The following OTOG variants were observed in gnomAD, a reference collection of about 807,000 sequenced individuals.
OTOG encodes otogelin.
Under a neutral mutation model 313.8 loss-of-function variants are expected in OTOG, and 296 were observed. That is an observed-to-expected ratio of 0.94 (90% CI 0.86 to 1.04). OTOG has a LOEUF of 1.04. Among genes scored for constraint, OTOG ranks in the 50% least tolerant of loss-of-function variants. The pLI, the probability that OTOG is intolerant of heterozygous loss-of-function variation, is 0.00. For synonymous variants in OTOG, 1,533 were observed against 1,554.9 expected (o/e 0.99, Z 0.33); for missense variants, 3,948 against 3,840.1 (o/e 1.03, Z -0.74).
chr11:17,612,771 T>C lies in OTOG; in HGVS notation c.6438+6T>C. ...ACTGCAAAAGTGCCAACCTGGTGCC[T>C]GCCCCATACCTCCCTCCCTGCTGGG... On this transcript the variant is annotated splice_donor_region_variant and intron_variant, in intron 38 of 55. Transcript: ENST00000399397. The C allele has an allele frequency of 6.5e-7, 1 of 1,549,920 alleles. No individual in the cohort carries two copies. Among genetic ancestry groups the C allele is most frequent in the South Asian group, 1.2e-5 (1 of 83,964 alleles).
rs1161473404 is a variant in OTOG at position 17,628,386 on chromosome 11, C to G, written c.6529-747C>G. On this transcript the variant is annotated intron_variant, in intron 39 of 55. Coordinates refer to ENST00000399397, the MANE Select transcript of OTOG (RefSeq NM_001292063.2). ...GGAGGAGGTTAATTCATTATAAATA[C>G]TTTAAAATCTTAATCTTTTTATATT... Among the ~76,000 whole-genome samples, 35 of 152,088 alleles carry G rather than the reference C, an allele frequency of 2.3e-4. 1 individual carries two copies. The highest frequency in any genetic ancestry group is 2.3e-3 in the Admixed American group (35 of 15,266).
chr11:17,606,236 C>A, intron 33 of OTOG, 101 bp downstream of exon 33: 1 of 1,355,090 alleles, frequency 7.4e-7, no homozygotes, highest in Non-Finnish European at 9.8e-7. Flanking sequence ...CCCTAAGAAG[C>A]AGAATCCTCC....
intron 23 of OTOG, among the ~76,000 whole-genome samples, chr11:17,585,194 C>G (rs10832812): frequency 0.23 from 35,674 of 152,120 alleles, 4,924 homozygotes; most frequent in African/African-American, 0.39. Flanking sequence ...AGATATTGGG[C>G]TAATTCAGTT....
chr11:17,551,297 G>A (rs1283488428), intron 3 of OTOG, among the ~76,000 whole-genome samples: 1 of 152,084 alleles, frequency 6.6e-6, no homozygotes, highest in Non-Finnish European at 1.5e-5. Context: ...GTCCTGTGGT[G>A]ACTGAACACC....
intron 4 of OTOG, among the ~76,000 whole-genome samples, chr11:17,552,621 A>ACTGTGTCCCCCACC (rs1851968645): frequency 5.8e-5 from 2 of 34,590 alleles, no homozygotes; most frequent in African/African-American, 6.8e-4. Flanking sequence ...GTCCTCTCAC[A>ACTGTGTCCCCCACC]TCATGGCTCC....
chr11:17,595,152 GCTGTTCCCA>G (rs1171412042), intron 28 of OTOG, among the ~76,000 whole-genome samples: 1 of 152,154 alleles, frequency 6.6e-6, no homozygotes, highest in Non-Finnish European at 1.5e-5. Context: ...GTGGGGCAGG[GCTGTTCCCA>G]CAGCCTCTGA....
rs754096731 is a variant in OTOG, at chr11:17,634,099, C to T, written c.7298C>T (p.Ala2433Val). Residue 2433 changes from alanine (A) to valine (V), a missense_variant, in exon 44 of 56, where the codon GCC (alanine) becomes GTC (valine). Coordinates refer to ENST00000399397, the MANE Select transcript of OTOG (RefSeq NM_001292063.2). ...ACTGACAGCATGGGGGTGCCGAGGGCCCTGGGGGAGACCTGGAACAGCTCC... is the reference window on the plus strand; with the variant it reads ...ACTGACAGCATGGGGGTGCCGAGGGTCCTGGGGGAGACCTGGAACAGCTCC... ...ACTDSMGVPRALGETWNSSLS... is the reference protein window; with the variant it reads ...ACTDSMGVPRVLGETWNSSLS... The T allele has an allele frequency of 3.2e-6, 5 of 1,547,650 alleles. No homozygotes were observed. In the South Asian group the frequency reaches 4.8e-5, roughly 15 times the overall value.
intron 32 of OTOG, among the ~76,000 whole-genome samples, chr11:17,605,590 G>A (rs7933465): frequency 0.011 from 1,751 of 152,272 alleles, 38 homozygotes; most frequent in African/African-American, 0.04. Context: ...GTGCAAAGGG[G>A]AGGGAAGGAG....
intron 12 of OTOG, among the ~76,000 whole-genome samples, chr11:17,559,938 G>T (rs1427171011): frequency 6.6e-6 from 1 of 152,098 alleles, no homozygotes; most frequent in East Asian, 1.9e-4. Flanking sequence ...GGGAAGGAAG[G>T]AAGGAAGGAG....
chr11:17,606,203 C>T, intron 33 of OTOG, 68 bp downstream of exon 33: 1 of 1,440,238 alleles, frequency 6.9e-7, no homozygotes, highest in South Asian at 1.5e-5. Context: ...CCCACCCTGT[C>T]CCCACTTCAC....
intron 18 of OTOG, 101 bp from the exon 19 acceptor site, chr11:17,572,977 A>G (rs1852436710): frequency 4.5e-6 from 5 of 1,118,990 alleles, no homozygotes; most frequent in East Asian, 2.6e-5. Flanking sequence ...GCGTGTGCAC[A>G]CACACACACC....
chr11:17,553,222 G>C lies in OTOG; in HGVS notation c.385+11G>C. On this transcript the variant is annotated intron_variant, in intron 5 of 55. Coordinates refer to ENST00000399397, the MANE Select transcript of OTOG (RefSeq NM_001292063.2). ...CGCGCTGCCAGATGGGTGGGTCTGG[G>C]CTCCACCCCACCCCCAGGAAGGGAC... 6.5e-7 allele frequency: 1 copy of C among 1,550,062 alleles called. No individual in the cohort carries two copies. The highest frequency in any genetic ancestry group is 8.7e-7 in the Non-Finnish European group (1 of 1,146,786).
At chr11:17,606,182 C>T (rs1468428631) in intron 33 of OTOG, 47 bp downstream of exon 33, 13 of 1,485,716 alleles carry the variant, frequency 8.7e-6, no homozygotes, top group Non-Finnish European at 1.2e-5. Flanking sequence ...CCCTCTCAGT[C>T]CACTGCTCTT....
chr11:17,593,150 C>T lies in OTOG; in HGVS notation c.3007-43C>T, dbSNP rs1444113235. The T allele has an allele frequency of 4.6e-6, 7 of 1,527,576 alleles. No individual in the cohort carries two copies. The South Asian group carries it at 8.6e-5, about 19-fold the overall frequency. The allele number at this position is 1,527,576 out of a possible 1,614,324, so 94.6% of individuals were successfully genotyped here. On this transcript the variant is annotated intron_variant, in intron 25 of 55. Transcript: ENST00000399397. ...ACCTCTGTACCTCTTGGCAGGATCT[C>T]CTTTCTCCCTTGTTTTATTGGACTC...
rs576936071 is a variant in OTOG, at chr11:17,630,858, T to C, written c.6713-844T>C. The stretch of plus-strand genomic sequence containing the variant: ...TATGTGGGAGATGAAACCAGAAGTT[T>C]AGGTCACATTAAAAGCTAGGACAGA... On this transcript the variant is annotated intron_variant, in intron 40 of 55. Coordinates refer to ENST00000399397, the MANE Select transcript of OTOG (RefSeq NM_001292063.2). 5.9e-5 allele frequency among the ~76,000 whole-genome samples: 9 copies of C among 152,306 alleles called. No individual in the cohort carries two copies. In the South Asian group the frequency reaches 1.9e-3, roughly 32 times the overall value.
rs545742713 is a variant in OTOG at position 17,579,265 on chromosome 11, G to A, written c.2759+739G>A. Among the ~76,000 whole-genome samples, 15 of 152,316 alleles carry A rather than the reference G, an allele frequency of 9.8e-5. No homozygotes were observed. The East Asian group carries it at 2.7e-3, about 27-fold the overall frequency. ...TCGTGGCCCAGGCGTGAAAGCCTAG[G>A]GAAATGACATGGGGGTCAGGGCTTC... On this transcript the variant is annotated intron_variant, in intron 23 of 55. Transcript: ENST00000399397.
In OTOG at chr11:17,612,733, G is replaced by T; in HGVS notation, c.6406G>T (p.Val2136Phe). The stretch of plus-strand genomic sequence containing the variant: ...CCAGAGCCCAGATGAAATGCTCACC[G>T]TCCATGTACTGGACTGCAAAAGTGC... ...LSQSPDEMLT[V>F]HVLDCKSANL... The change falls in exon 38 of 56, where the codon GTC becomes TTC. Residue 2136 changes from valine to phenylalanine, a missense_variant. Transcript: ENST00000399397. The T allele has an allele frequency of 6.4e-7, 1 of 1,550,440 alleles. No homozygotes were observed. The highest frequency in any genetic ancestry group is 1.2e-5 in the South Asian group (1 of 84,062).
At chr11:17,593,488 A>G in intron 26 of OTOG, 122 bp from the exon 27 acceptor site, 1 of 1,444,950 alleles carries the variant, frequency 6.9e-7, no homozygotes, top group Non-Finnish European at 9.3e-7. Flanking sequence ...GGTCAGGAAC[A>G]CAGAGGCCAA....
At chr11:17,569,397 T>C (rs1469426225) in intron 16 of OTOG, 109 bp downstream of exon 16, 3 of 1,414,494 alleles carry the variant, frequency 2.1e-6, no homozygotes, top group Non-Finnish European at 2.9e-6. Context: ...ACTCATATTC[T>C]AGTACTGGGT....
Sources: gnomAD v4.1 joint callset for allele counts (sites outside exome capture counted in the v4.1 genomes callset) on GRCh38, gnomAD v4.1.1 for gene constraint, MANE v1.5 for transcripts, NCBI Gene and HGNC (gene_info 2026-07-23, HGNC 2026-07-21) for gene names.